The following LRRC8C variants were observed in gnomAD, a reference collection of about 807,000 sequenced individuals.
The protein encoded by LRRC8C is volume-regulated anion channel subunit LRRC8C.
A neutral mutation model predicts 55.3 loss-of-function variants in LRRC8C; 20 were observed. That is an observed-to-expected ratio of 0.36 (90% CI 0.25 to 0.53). The LOEUF (loss-of-function observed/expected upper bound fraction) is 0.53, where lower values mean the gene tolerates loss of function less well. Ranked by LOEUF, LRRC8C falls within the 20% of genes least tolerant of loss-of-function variation. The pLI is 0.92. For missense variants in LRRC8C, 659 were observed against 951.4 expected (o/e 0.69, Z 4.04); for synonymous variants, 376 against 360.7 (o/e 1.04, Z -0.48).
rs1169317042 is a variant in LRRC8C, at chr1:89,713,944, G to C, written c.1374G>C (p.Met458Ile). 6.2e-7 allele frequency: 1 copy of C among 1,613,832 alleles called. No homozygotes were observed. Among genetic ancestry groups the C allele is most frequent in the South Asian group, 1.1e-5 (1 of 91,082 alleles). The change falls in exon 3 of 3, where the codon ATG becomes ATC. Residue 458 changes from methionine to isoleucine, a missense_variant. Physicochemically the swap from Met to Ile is conservative, Grantham distance 10 (BLOSUM62 1). Transcript: ENST00000370454. This position sits in a 1 kb window ranked among gnomAD's most constrained non-coding sequence, Gnocchi z 5.2. ...SLKLEIIKNVMIPATIAQLDN... is the reference protein window; with the variant it reads ...SLKLEIIKNVIIPATIAQLDN... ...AACTTGAAATCATTAAGAACGTAAT[G>C]ATACCAGCCACCATTGCACAGCTAG...
chr1:89,630,417 A>G (rs1656076785), upstream of LRRC8C, among the ~76,000 whole-genome samples: 1 of 152,236 alleles, frequency 6.6e-6, no homozygotes, highest in South Asian at 2.1e-4. Context: ...CATAGCCCAG[A>G]AATATCTACT....
At chr1:89,658,359 G>C (rs1657008421) in intron 1 of LRRC8C, among the ~76,000 whole-genome samples, 2 of 152,102 alleles carry the variant, frequency 1.3e-5, no homozygotes, top group South Asian at 4.1e-4. Flanking sequence ...TTGGAAACCT[G>C]GAATGAAGAC....
At chr1:89,625,652 A>G in the LRRC8C span, among the ~76,000 whole-genome samples, 6 of 152,238 alleles carry the variant, frequency 3.9e-5, no homozygotes, top group African/African-American at 1.4e-4. Flanking sequence ...CACCGTCTAC[A>G]ATAATTTTCC....
intron 1 of LRRC8C, among the ~76,000 whole-genome samples, chr1:89,649,584 G>C (rs1444802598): frequency 1.3e-5 from 2 of 152,080 alleles, no homozygotes; most frequent in African/African-American, 4.8e-5. Context: ...TCTAGAAAAT[G>C]TGAACTCCAT....
chr1:89,695,669 C>G (rs1658154576), intron 2 of LRRC8C, among the ~76,000 whole-genome samples: 1 of 152,036 alleles, frequency 6.6e-6, no homozygotes. Flanking sequence ...CATCATTTTA[C>G]CTTGTAAGAA....
Position 89,715,141 on chromosome 1 carries a change from A to AT in LRRC8C, c.*165dup, listed in dbSNP as rs1319853525. The AT allele has an allele frequency of 2.4e-6, 1 of 420,822 alleles. No homozygotes were observed. The allele number at this position is 420,822 out of a possible 1,614,324, so 26.1% of individuals were successfully genotyped here. A position where few individuals can be genotyped will look rare whatever the true frequency, so the allele number is the denominator to read the frequency against. On this transcript the variant is annotated 3_prime_UTR_variant, in exon 3 of 3. Transcript: ENST00000370454. ...GTATTTTTAATAAAAATTTAATTGT[A>AT]TTTTTTCAATATTAATATTTTGAAG...
At chr1:89,684,046 T>G (rs1271550234) in intron 1 of LRRC8C, among the ~76,000 whole-genome samples, 1 of 152,152 alleles carries the variant, frequency 6.6e-6, no homozygotes, top group African/African-American at 2.4e-5. Context: ...TTCATAATGA[T>G]GTATCTTGAT....
At chr1:89,690,062 T>C (rs1410667473) in intron 2 of LRRC8C, among the ~76,000 whole-genome samples, 1 of 152,156 alleles carries the variant, frequency 6.6e-6, no homozygotes, top group Non-Finnish European at 1.5e-5. Flanking sequence ...AGATATTAAG[T>C]AATCAGTTGG....
intron 2 of LRRC8C, among the ~76,000 whole-genome samples, chr1:89,686,996 G>A (rs1488462179): frequency 6.6e-6 from 1 of 152,056 alleles, no homozygotes; most frequent in Non-Finnish European, 1.5e-5. Flanking sequence ...CCCCTAATAA[G>A]ATTTTCTGGA....
intron 1 of LRRC8C, among the ~76,000 whole-genome samples, chr1:89,672,024 G>A (rs1357344161): frequency 2.6e-5 from 4 of 152,158 alleles, no homozygotes; most frequent in Non-Finnish European, 4.4e-5. Flanking sequence ...GATAGAAAAT[G>A]ACAGGGCCCA....
At chr1:89,620,312 G>T in the LRRC8C span, among the ~76,000 whole-genome samples, 2 of 152,028 alleles carry the variant, frequency 1.3e-5, no homozygotes, top group Non-Finnish European at 2.9e-5. Flanking sequence ...ATTTTGAGGG[G>T]ACACAAACAT....
At chr1:89,625,181 G>A in the LRRC8C span, 1 of 152,002 alleles carries the variant, frequency 6.6e-6, no homozygotes, top group Non-Finnish European at 1.5e-5. Context: ...AAATGCTGGT[G>A]GTAATATCCA....
At chr1:89,688,565 A>G (rs563967595) in intron 2 of LRRC8C, among the ~76,000 whole-genome samples, 2 of 152,364 alleles carry the variant, frequency 1.3e-5, no homozygotes, top group East Asian at 1.9e-4. Flanking sequence ...AAAGACGTCC[A>G]GGAGCAGGCC....
chr1:89,671,656 AC>A (rs1657420035), intron 1 of LRRC8C, among the ~76,000 whole-genome samples: 1 of 152,202 alleles, frequency 6.6e-6, no homozygotes. Flanking sequence ...CTTGGTACAA[AC>A]ATAGGCTATT....
At chr1:89,654,123 A>G (rs1432702181) in intron 1 of LRRC8C, among the ~76,000 whole-genome samples, 1 of 152,212 alleles carries the variant, frequency 6.6e-6, no homozygotes, top group African/African-American at 2.4e-5. Flanking sequence ...TAGACATGAT[A>G]GAACATGGAT....
chr1:89,676,968 C>T (rs965739946), intron 1 of LRRC8C, among the ~76,000 whole-genome samples: 6 of 152,104 alleles, frequency 3.9e-5, no homozygotes, highest in African/African-American at 1.4e-4. Flanking sequence ...AAAGCAGCTA[C>T]TGATCATAGA....
the LRRC8C span, chr1:89,625,322 A>G: frequency 6.6e-6 from 1 of 152,226 alleles, no homozygotes; most frequent in Non-Finnish European, 1.5e-5. Flanking sequence ...CTGAGGATGT[A>G]AAGATATTAA....
intron 1 of LRRC8C, chr1:89,661,304 C>A: frequency 2.9e-6 from 1 of 348,858 alleles, no homozygotes; most frequent in Non-Finnish European, 5.7e-6. Context: ...TGTTCCAGGG[C>A]TCTGGATTAT....
chr1:89,641,841 G>C (rs997479236), intron 1 of LRRC8C, among the ~76,000 whole-genome samples: 4 of 152,096 alleles, frequency 2.6e-5, no homozygotes, highest in Non-Finnish European at 5.9e-5. Flanking sequence ...TATAATTTAT[G>C]GTCCTGGGCT....
Sources: allele counts gnomAD v4.1 joint callset (sites outside exome capture counted in the v4.1 genomes callset), GRCh38; gene constraint gnomAD v4.1.1; non-coding constraint Gnocchi (gnomAD v3.1); transcripts MANE v1.5; gene names NCBI Gene and HGNC (gene_info 2026-07-23, HGNC 2026-07-21).